The following LDLRAD3 variants were observed in gnomAD, a reference collection of about 807,000 sequenced individuals.
LDLRAD3 encodes the protein low density lipoprotein receptor class A domain containing 3, also known as low-density lipoprotein receptor class A domain-containing protein 3.
Under a neutral mutation model 29.4 loss-of-function variants are expected in LDLRAD3, and 20 were observed. The ratio of observed to expected loss-of-function variants is 0.68; its 90% CI spans 0.48 to 0.99. The LOEUF (loss-of-function observed/expected upper bound fraction) is 0.99. Among genes scored for constraint, LDLRAD3 ranks in the 50% least tolerant of loss-of-function variants. LDLRAD3 has a pLI of 0.00. For missense variants in LDLRAD3, 420 were observed against 454.3 expected, an observed-to-expected ratio of 0.92 and a Z score of 0.69; for synonymous variants, 157 against 192.7, an observed-to-expected ratio of 0.81 and a Z score of 1.53.
At chr11:35,955,118 G>A (rs1343866425) in intron 1 of LDLRAD3, among the ~76,000 whole-genome samples, 1 of 152,170 alleles carries the variant, frequency 6.6e-6, no homozygotes, top group Non-Finnish European at 1.5e-5. Flanking sequence ...GGTGGCACAT[G>A]CCTGTAATCC....
At position 36,214,419 on chromosome 11, in the gene LDLRAD3, T is replaced by C. The variant is rs185827230; in HGVS notation, c.455-12666T>C. Reference sequence around the variant, plus strand: ...TTGGTCCTGCGAGTTGGTGGATCTCTAGATGATTCTGGGAAAGGGTTACAT... The same window carrying C: ...TTGGTCCTGCGAGTTGGTGGATCTCCAGATGATTCTGGGAAAGGGTTACAT... On this transcript the variant is annotated intron_variant, in intron 4 of 5. Coordinates refer to ENST00000315571, the MANE Select transcript of LDLRAD3 (RefSeq NM_174902.4). Among the ~76,000 whole-genome samples, 18 of 152,186 alleles carry C rather than the reference T, an allele frequency of 1.2e-4. 1 individual carries two copies. The highest frequency in any genetic ancestry group is 2.5e-4 in the Non-Finnish European group (17 of 68,036).
At chr11:35,959,529 G>A (rs958845076) in intron 1 of LDLRAD3, among the ~76,000 whole-genome samples, 6 of 152,154 alleles carry the variant, frequency 3.9e-5, no homozygotes, top group Non-Finnish European at 5.9e-5. Flanking sequence ...TCCGAATAGC[G>A]TAAAAGATCT....
chr11:36,016,999 C>T (rs1235826921), intron 1 of LDLRAD3, among the ~76,000 whole-genome samples: 1 of 152,192 alleles, frequency 6.6e-6, no homozygotes, highest in East Asian at 1.9e-4. Flanking sequence ...TCATCAAGTT[C>T]AAGGCACTTT....
intron 4 of LDLRAD3, among the ~76,000 whole-genome samples, chr11:36,203,408 C>T (rs12280774): frequency 0.016 from 2,407 of 152,298 alleles, 71 homozygotes; most frequent in African/African-American, 0.055. Context: ...GCCAATAAAT[C>T]GTAGAGCCAG....
rs772367459 is a variant in LDLRAD3, at chr11:35,949,204, G to A, written c.46+5060G>A. Among the ~76,000 whole-genome samples the A allele has an allele frequency of 5.9e-5, 9 of 151,944 alleles. No homozygotes were observed. The East Asian group carries it at 1.2e-3, about 20-fold the overall frequency. On this transcript the variant is annotated intron_variant, in intron 1 of 5. Coordinates refer to ENST00000315571, the MANE Select transcript of LDLRAD3 (RefSeq NM_174902.4). ...CGTCAGCACTGACCCTTTCCCTCTC[G>A]CTTTCCTCTTGTGTCAGAGTGAAAA...
intron 1 of LDLRAD3, among the ~76,000 whole-genome samples, chr11:35,999,922 A>G (rs1471766034): frequency 6.6e-6 from 1 of 152,174 alleles, no homozygotes; most frequent in Non-Finnish European, 1.5e-5. Context: ...CCATGGAGAC[A>G]TTTACAAGGA....
At chr11:36,171,022 G>A (rs1297611031) in intron 4 of LDLRAD3, among the ~76,000 whole-genome samples, 2 of 152,052 alleles carry the variant, frequency 1.3e-5, no homozygotes, top group African/African-American at 2.4e-5. Flanking sequence ...GGATGGTATC[G>A]ATCTCTTGAC....
At chr11:36,015,515 C>G (rs1157374786) in intron 1 of LDLRAD3, among the ~76,000 whole-genome samples, 1 of 152,006 alleles carries the variant, frequency 6.6e-6, no homozygotes, top group Non-Finnish European at 1.5e-5. Flanking sequence ...AAACTTAACG[C>G]ACATACCGAA....
In LDLRAD3 at chr11:36,229,662, A is replaced by T. The variant is rs1855550056; in HGVS notation, c.*265A>T. On this transcript the variant is annotated 3_prime_UTR_variant, in exon 6 of 6. Coordinates refer to ENST00000315571, the MANE Select transcript of LDLRAD3 (RefSeq NM_174902.4). ...AGATCACACCCTCATTTTTCACATT[A>T]TTCTGTTTCTGTTGGAGAGACAGCA... 2.0e-6 allele frequency: 1 copy of T among 488,570 alleles called. No homozygotes were observed. The allele number at this position is 488,570 out of a possible 1,614,324, so 30.3% of individuals were successfully genotyped here.
intron 2 of LDLRAD3, among the ~76,000 whole-genome samples, chr11:36,076,394 C>CTT (rs35086079): frequency 2.2e-4 from 32 of 147,436 alleles, no homozygotes; most frequent in South Asian, 1.3e-3. Flanking sequence ...TTCTCACTGT[C>CTT]TTTTTTTTTT....
At chr11:36,187,931 C>G (rs1854877797) in intron 4 of LDLRAD3, among the ~76,000 whole-genome samples, 1 of 152,096 alleles carries the variant, frequency 6.6e-6, no homozygotes, top group South Asian at 2.1e-4. Context: ...TTCTGTAGTA[C>G]TTTGTGCTTT....
intron 4 of LDLRAD3, among the ~76,000 whole-genome samples, chr11:36,134,678 T>G (rs1040494613): frequency 9.9e-5 from 15 of 152,238 alleles, no homozygotes; most frequent in African/African-American, 3.6e-4. Flanking sequence ...GCAGCCACAT[T>G]GGGCATCTGT....
chr11:35,995,153 G>A (rs544158882), intron 1 of LDLRAD3, among the ~76,000 whole-genome samples: 1 of 152,318 alleles, frequency 6.6e-6, no homozygotes, highest in Admixed American at 6.5e-5. Flanking sequence ...ATCCATCAAA[G>A]GAATCAGTAT....
chr11:35,992,094 C>G (rs1254178398), intron 1 of LDLRAD3, among the ~76,000 whole-genome samples: 1 of 152,112 alleles, frequency 6.6e-6, no homozygotes, highest in East Asian at 1.9e-4. Context: ...GCCCCCGTCT[C>G]AATCTTTTTG....
Position 36,231,776 on chromosome 11 carries a change from A to C in LDLRAD3, c.*2379A>C, listed in dbSNP as rs1855579798. 6.6e-6 allele frequency: 1 copy of C among 152,152 alleles called. No homozygotes were observed. The highest frequency in any genetic ancestry group is 2.4e-5 in the African/African-American group (1 of 41,426). 9.4% of individuals were successfully genotyped at this position (152,152 alleles called of 1,614,324 possible). A position where few individuals can be genotyped will look rare whatever the true frequency, so the allele number is the denominator to read the frequency against. ...GGGAGGGGGTTTGTTTTCCAACTCA[A>C]GATGGCACATTAGTGGCCAGCAATA... On this transcript the variant is annotated 3_prime_UTR_variant, in exon 6 of 6. Transcript: ENST00000315571.
At chr11:36,163,458 A>G (rs1001361384) in intron 4 of LDLRAD3, 8 of 152,220 alleles carry the variant, frequency 5.3e-5, no homozygotes, top group Non-Finnish European at 8.8e-5. Flanking sequence ...ACTTCCCTGC[A>G]TATGATGTGT....
chr11:36,173,764 T>C (rs1030252917), intron 4 of LDLRAD3, among the ~76,000 whole-genome samples: 2 of 152,168 alleles, frequency 1.3e-5, no homozygotes, highest in African/African-American at 4.8e-5. Flanking sequence ...TGAGAATCAA[T>C]ATCGTGAAAA....
chr11:36,058,882 C>A (rs1852659403), intron 2 of LDLRAD3, among the ~76,000 whole-genome samples: 1 of 152,156 alleles, frequency 6.6e-6, no homozygotes. Context: ...GTGAAGAGTG[C>A]TGAGGTTGAG....
chr11:36,034,304 C>T (rs887360633), intron 1 of LDLRAD3, among the ~76,000 whole-genome samples: 49 of 152,190 alleles, frequency 3.2e-4, no homozygotes, highest in African/African-American at 9.2e-4. Flanking sequence ...GGCAGGGAGG[C>T]CAAGTTGGGA....
Sources: gnomAD v4.1 joint callset for allele counts (sites outside exome capture counted in the v4.1 genomes callset) on GRCh38, gnomAD v4.1.1 for gene constraint, MANE v1.5 for transcripts, NCBI Gene and HGNC (gene_info 2026-07-23, HGNC 2026-07-21) for gene names.